Variants in CCDC93 observed in about 807,000 individuals in gnomAD.
The protein encoded by CCDC93 is CCC complex scaffolding subunit CCDC93, also known as coiled-coil domain-containing protein 93.
Under a neutral mutation model 108.2 loss-of-function variants are expected in CCDC93, and 61 were observed. That is an observed-to-expected ratio of 0.56 (90% CI 0.46 to 0.70). The LOEUF (loss-of-function observed/expected upper bound fraction) is 0.70, where lower values mean the gene tolerates loss of function less well. CCDC93 is among the 30% of genes least tolerant of loss of function. The probability of loss-of-function intolerance (pLI) is 0.00; values close to 1 mark genes in which losing one functional copy is unlikely to be tolerated. For synonymous variants in CCDC93, 276 were observed against 260.4 expected (o/e 1.06, Z -0.58); for missense variants, 685 against 764.2 (o/e 0.90, Z 1.22).
chr2:117,946,410 T>C (rs1380878877), intron 16 of CCDC93, among the ~76,000 whole-genome samples: 1 of 152,216 alleles, frequency 6.6e-6, no homozygotes, highest in Non-Finnish European at 1.5e-5. Context: ...TCTCTCCTTC[T>C]TCATGTTTGT....
At chr2:117,982,816 G>A (rs1357239563) in intron 7 of CCDC93, among the ~76,000 whole-genome samples, 3 of 152,250 alleles carry the variant, frequency 2.0e-5, no homozygotes, top group African/African-American at 7.2e-5. Context: ...AGGGAAGATG[G>A]AGCAAAGTGA....
At chr2:117,939,799 G>A (rs940635041) in intron 19 of CCDC93, among the ~76,000 whole-genome samples, 28 of 152,124 alleles carry the variant, frequency 1.8e-4, no homozygotes, top group African/African-American at 6.3e-4. Context: ...AAGTCCTCAA[G>A]GCAAAATCTT....
chr2:117,926,409 A>G (rs1678100291), intron 23 of CCDC93, among the ~76,000 whole-genome samples: 1 of 152,226 alleles, frequency 6.6e-6, no homozygotes, highest in Non-Finnish European at 1.5e-5. Flanking sequence ...AGAATCAAAT[A>G]GACGCAATAA....
intron 2 of CCDC93, among the ~76,000 whole-genome samples, chr2:118,007,733 A>G (rs6542422): frequency 0.97 from 148,144 of 152,326 alleles, 72,178 homozygotes; most frequent in Middle Eastern, 1. Flanking sequence ...AGACTCTTAC[A>G]AGTTGCCCAA....
chr2:117,996,042 T>A (rs1266444789), intron 5 of CCDC93, among the ~76,000 whole-genome samples: 1 of 152,154 alleles, frequency 6.6e-6, no homozygotes, highest in Non-Finnish European at 1.5e-5. Context: ...TCAACTATTA[T>A]TCTTGTAAGT....
intron 3 of CCDC93, among the ~76,000 whole-genome samples, chr2:118,001,308 CTCTT>C (rs1301784813): frequency 4.6e-5 from 7 of 152,104 alleles, no homozygotes; most frequent in Admixed American, 6.5e-5. Context: ...TACTGATCTA[CTCTT>C]TCTAACAGTT....
intron 6 of CCDC93, among the ~76,000 whole-genome samples, chr2:117,988,538 G>A (rs977928793): frequency 3.9e-5 from 6 of 152,140 alleles, no homozygotes; most frequent in African/African-American, 1.4e-4. Flanking sequence ...GACCTTAACA[G>A]TTCATCTTTG....
intron 1 of CCDC93, among the ~76,000 whole-genome samples, chr2:118,011,020 T>C (rs1677008118): frequency 1.3e-5 from 2 of 152,236 alleles, no homozygotes; most frequent in African/African-American, 2.4e-5. Flanking sequence ...GCAACTGGAC[T>C]ACTGATTGAT....
chr2:117,998,143 C>T (rs372580378), intron 4 of CCDC93: 1 of 152,214 alleles, frequency 6.6e-6, no homozygotes, highest in East Asian at 1.9e-4. Context: ...AAGATATGAT[C>T]TAGAACTACC....
intron 23 of CCDC93, among the ~76,000 whole-genome samples, chr2:117,929,548 A>C (rs1678252684): frequency 6.6e-6 from 1 of 152,220 alleles, no homozygotes; most frequent in African/African-American, 2.4e-5. Flanking sequence ...AATTGCTTTG[A>C]CAGCTTATAC....
At chr2:117,950,846 T>A in intron 13 of CCDC93, 3 of 985,448 alleles carry the variant, frequency 3.0e-6, no homozygotes, top group Non-Finnish European at 3.6e-6. Flanking sequence ...GATGCCAGGC[T>A]GCCTGTATTT....
chr2:117,944,436 T>C (rs776519721), intron 17 of CCDC93, among the ~76,000 whole-genome samples: 1 of 152,046 alleles, frequency 6.6e-6, no homozygotes, highest in South Asian at 2.1e-4. Flanking sequence ...TTGGAGATGA[T>C]GCTAGTTTTC....
chr2:117,919,623 G>A lies in CCDC93; in HGVS notation c.*720C>T, dbSNP rs1286368924. The stretch of plus-strand genomic sequence containing the variant: ...GGGAAGGTATAATTTTTATTGACGT[G>A]TCCTCAGCACAAGGTCTGTTTTCAA... On this transcript the variant is annotated 3_prime_UTR_variant, in exon 24 of 24. Transcript: ENST00000376300. 1.3e-5 allele frequency: 2 copies of A among 152,308 alleles called. No homozygotes were observed. The highest frequency in any genetic ancestry group is 1.9e-4 in the East Asian group (1 of 5,188). The allele number at this position is 152,308 out of a possible 1,614,324, so 9.4% of individuals were successfully genotyped here. A position where few individuals can be genotyped will look rare whatever the true frequency, so the allele number is the denominator to read the frequency against.
At chr2:118,009,332 C>T (rs1676962144) in intron 1 of CCDC93, among the ~76,000 whole-genome samples, 1 of 152,026 alleles carries the variant, frequency 6.6e-6, no homozygotes, top group Admixed American at 6.6e-5. Context: ...GATCGTACCA[C>T]CGTACTCCAG....
intron 6 of CCDC93, among the ~76,000 whole-genome samples, chr2:117,995,243 G>A (rs903610295): frequency 6.6e-6 from 1 of 152,224 alleles, no homozygotes; most frequent in African/African-American, 2.4e-5. Context: ...CAGAACAGTA[G>A]TGTGGCAGGT....
intron 11 of CCDC93, among the ~76,000 whole-genome samples, chr2:117,966,521 G>A (rs1679580367): frequency 3.3e-5 from 5 of 152,208 alleles, no homozygotes; most frequent in South Asian, 4.1e-4. Flanking sequence ...GCACCCAAAA[G>A]GCTTAAAAGG....
chr2:117,936,546 G>A (rs765677223), intron 21 of CCDC93, 156 bp downstream of exon 21: 5 of 696,458 alleles, frequency 7.2e-6, no homozygotes, highest in Non-Finnish European at 1.3e-5. Flanking sequence ...GTGTAAACAA[G>A]ATACTTAGCA....
At chr2:117,976,874 T>C (rs1558791929) in intron 8 of CCDC93, among the ~76,000 whole-genome samples, 1 of 147,888 alleles carries the variant, frequency 6.8e-6, no homozygotes, top group Non-Finnish European at 1.5e-5. Flanking sequence ...GCAGGGGGAG[T>C]GTGTCCTGTT....
chr2:118,013,848 G>A (rs558588390), intron 1 of CCDC93, 106 bp downstream of exon 1: 15 of 990,608 alleles, frequency 1.5e-5, no homozygotes, highest in Middle Eastern at 3.1e-4. Context: ...TGAGGAAGGG[G>A]GCGGGGCGCC....
Sources: gnomAD v4.1 joint callset for allele counts (sites outside exome capture counted in the v4.1 genomes callset) on GRCh38, gnomAD v4.1.1 for gene constraint, MANE v1.5 for transcripts, NCBI Gene and HGNC (gene_info 2026-07-23, HGNC 2026-07-21) for gene names.